The following FHIT variants were observed in gnomAD, a reference collection of about 807,000 sequenced individuals.
FHIT encodes the protein fragile histidine triad diadenosine triphosphatase.
Under a neutral mutation model 17.9 loss-of-function variants are expected in FHIT, and 19 were observed. That is an observed-to-expected ratio of 1.06 (90% CI 0.74 to 1.56). FHIT has a LOEUF of 1.56. Among genes scored for constraint, FHIT ranks in the 40% most tolerant of loss-of-function variants. FHIT has a pLI of 0.00. For missense variants in FHIT, 248 were observed against 189.2 expected (o/e 1.31, Z -1.82); for synonymous variants, 81 against 69.7 (o/e 1.16, Z -0.81).
intron 2 of FHIT, among the ~76,000 whole-genome samples, chr3:61,129,325 C>G (rs1282340577): frequency 6.6e-6 from 1 of 152,162 alleles, no homozygotes; most frequent in Non-Finnish European, 1.5e-5. Flanking sequence ...CATCTAAATA[C>G]ATGCATAATT....
chr3:60,079,497 C>T (rs1335858815), intron 5 of FHIT, among the ~76,000 whole-genome samples: 1 of 151,948 alleles, frequency 6.6e-6, no homozygotes, highest in Non-Finnish European at 1.5e-5. Flanking sequence ...CTCCCTGCTC[C>T]CACCAGCTGC....
chr3:60,379,485 A>C (rs1376678513), intron 5 of FHIT, among the ~76,000 whole-genome samples: 1 of 152,190 alleles, frequency 6.6e-6, no homozygotes, highest in Non-Finnish European at 1.5e-5. Flanking sequence ...ATATTTTAGT[A>C]ACACTAACAC....
At chr3:60,465,927 T>C (rs1468190432) in intron 5 of FHIT, among the ~76,000 whole-genome samples, 1 of 152,116 alleles carries the variant, frequency 6.6e-6, no homozygotes, top group African/African-American at 2.4e-5. Context: ...ATGAAGAATG[T>C]CATTGGTATT....
intron 7 of FHIT, among the ~76,000 whole-genome samples, chr3:60,007,567 T>C (rs1559543374): frequency 6.6e-6 from 1 of 152,154 alleles, no homozygotes; most frequent in South Asian, 2.1e-4. Flanking sequence ...TCCTTACCCA[T>C]TGCCCGGTTC....
chr3:60,714,931 C>T (rs1328158716), intron 4 of FHIT, among the ~76,000 whole-genome samples: 2 of 152,162 alleles, frequency 1.3e-5, no homozygotes, highest in African/African-American at 4.8e-5. Flanking sequence ...TTGGAAAAAA[C>T]TACTTTAAAG....
At chr3:60,545,846 A>C (rs1030483860) in intron 4 of FHIT, among the ~76,000 whole-genome samples, 1 of 76,208 alleles carries the variant, frequency 1.3e-5, no homozygotes, top group Non-Finnish European at 2.4e-5. Flanking sequence ...ATGAGACATC[A>C]AATTGTTATC....
At chr3:61,192,204 C>T (rs552593202) in intron 2 of FHIT, among the ~76,000 whole-genome samples, 1 of 152,284 alleles carries the variant, frequency 6.6e-6, no homozygotes, top group South Asian at 2.1e-4. Flanking sequence ...TGTTGAGCCA[C>T]TGAATTAACA....
intron 4 of FHIT, among the ~76,000 whole-genome samples, chr3:60,605,717 G>A (rs1180987415): frequency 1.3e-5 from 2 of 152,112 alleles, no homozygotes; most frequent in East Asian, 1.9e-4. Context: ...TTTATTTTCT[G>A]CTAGAGGTAC....
At chr3:60,406,422 G>C (rs1701858980) in intron 5 of FHIT, among the ~76,000 whole-genome samples, 1 of 152,250 alleles carries the variant, frequency 6.6e-6, no homozygotes, top group Admixed American at 6.5e-5. Context: ...ACCTATTACT[G>C]CTAGCCTGGC....
intron 7 of FHIT, among the ~76,000 whole-genome samples, chr3:60,009,757 C>T (rs1288587597): frequency 6.6e-6 from 1 of 152,164 alleles, no homozygotes; most frequent in Non-Finnish European, 1.5e-5. Context: ...TTTCATTACC[C>T]TAAAAGAACC....
intron 5 of FHIT, among the ~76,000 whole-genome samples, chr3:60,178,594 G>C (rs77383723): frequency 0.01 from 1,577 of 152,078 alleles, 22 homozygotes; most frequent in African/African-American, 0.037. Flanking sequence ...GGTGGCGGTG[G>C]GGGGAGGGAG....
chr3:60,483,930 C>T (rs1204065799), intron 5 of FHIT, among the ~76,000 whole-genome samples: 1 of 152,068 alleles, frequency 6.6e-6, no homozygotes, highest in Non-Finnish European at 1.5e-5. Context: ...TAGAAAACCC[C>T]ATCATCTCAG....
At chr3:61,185,499 C>T (rs1264215484) in intron 2 of FHIT, among the ~76,000 whole-genome samples, 1 of 152,210 alleles carries the variant, frequency 6.6e-6, no homozygotes, top group African/African-American at 2.4e-5. Context: ...CAGGCAGTAT[C>T]TATACTGCTA....
intron 3 of FHIT, among the ~76,000 whole-genome samples, chr3:60,884,322 TA>T (rs1253725832): frequency 6.6e-6 from 1 of 152,066 alleles, no homozygotes; most frequent in Admixed American, 6.6e-5. Flanking sequence ...TCAAAAAAAC[TA>T]AAAATATCTA....
At chr3:59,903,272 G>A (rs1456458557) in intron 8 of FHIT, among the ~76,000 whole-genome samples, 1 of 152,154 alleles carries the variant, frequency 6.6e-6, no homozygotes, top group Non-Finnish European at 1.5e-5. Context: ...AGTTTCCAGG[G>A]TTATGGAAGG....
chr3:60,581,926 T>C (rs2037760150), intron 4 of FHIT, among the ~76,000 whole-genome samples: 1 of 152,040 alleles, frequency 6.6e-6, no homozygotes, highest in Non-Finnish European at 1.5e-5. Flanking sequence ...GAGATTTCAA[T>C]ATAAGCAGGT....
At chr3:60,934,147 T>C (rs192531873) in intron 3 of FHIT, among the ~76,000 whole-genome samples, 1 of 152,268 alleles carries the variant, frequency 6.6e-6, no homozygotes, top group East Asian at 1.9e-4. Flanking sequence ...AGTACGTTGG[T>C]TACCCAGATG....
chr3:60,018,383 G>A (rs1246122348), intron 5 of FHIT, among the ~76,000 whole-genome samples: 2 of 152,080 alleles, frequency 1.3e-5, no homozygotes, highest in African/African-American at 4.8e-5. Context: ...AGGTTTGGAG[G>A]GTCAAATATC....
At chr3:60,178,573 A>C (rs899928134) in intron 5 of FHIT, among the ~76,000 whole-genome samples, 1 of 152,172 alleles carries the variant, frequency 6.6e-6, no homozygotes, top group Admixed American at 6.5e-5. Flanking sequence ...ACGACACAGC[A>C]AGACTCTGTT....
Sources: gnomAD v4.1 joint callset for allele counts (sites outside exome capture counted in the v4.1 genomes callset) on GRCh38, gnomAD v4.1.1 for gene constraint, MANE v1.5 for transcripts, NCBI Gene and HGNC (gene_info 2026-07-23, HGNC 2026-07-21) for gene names.